NCAM2: variants seen among roughly 807,000 people sequenced by gnomAD.
NCAM2 encodes N-CAM-2.
Under a neutral mutation model 98.1 loss-of-function variants are expected in NCAM2, and 30 were observed. That is an observed-to-expected ratio of 0.31 (90% CI 0.23 to 0.41). The LOEUF (loss-of-function observed/expected upper bound fraction) is 0.41. Among genes scored for constraint, NCAM2 ranks in the 10% least tolerant of loss-of-function variants. The probability of loss-of-function intolerance (pLI) is 1.00; values close to 1 mark genes in which losing one functional copy is unlikely to be tolerated. For synonymous variants in NCAM2, 368 were observed against 342.4 expected, an observed-to-expected ratio of 1.07 and a Z score of -0.83; for missense variants, 867 against 1,005.8, an observed-to-expected ratio of 0.86 and a Z score of 1.87.
chr21:21,126,399 T>C (rs1323038617), intron 1 of NCAM2, among the ~76,000 whole-genome samples: 1 of 151,900 alleles, frequency 6.6e-6, no homozygotes, highest in Admixed American at 6.6e-5. Flanking sequence ...TACACATCCA[T>C]ACATATGCAC....
intron 1 of NCAM2, among the ~76,000 whole-genome samples, chr21:21,263,337 G>A (rs1363579161): frequency 6.6e-6 from 1 of 152,012 alleles, no homozygotes; most frequent in African/African-American, 2.4e-5. Flanking sequence ...AGGTGAACTA[G>A]AAAACGCTGA....
intron 1 of NCAM2, among the ~76,000 whole-genome samples, chr21:21,272,504 G>A (rs545952742): frequency 1.6e-4 from 9 of 56,448 alleles, no homozygotes; most frequent in African/African-American, 5.1e-4. Context: ...ACATGCGCGC[G>A]CGCGCACACA....
chr21:21,021,507 A>G (rs1286236561), intron 1 of NCAM2, among the ~76,000 whole-genome samples: 1 of 152,188 alleles, frequency 6.6e-6, no homozygotes, highest in South Asian at 2.1e-4. Flanking sequence ...TGTAAGAATG[A>G]AATAGAAACA....
At chr21:21,099,151 A>C (rs541680432) in intron 1 of NCAM2, among the ~76,000 whole-genome samples, 1 of 145,304 alleles carries the variant, frequency 6.9e-6, no homozygotes, top group Non-Finnish European at 1.5e-5. Flanking sequence ...ATGAGTCAGT[A>C]AGTGAAAAAG....
At chr21:21,223,664 A>T (rs2070261784) in intron 1 of NCAM2, 1 of 152,132 alleles carries the variant, frequency 6.6e-6, no homozygotes, top group Non-Finnish European at 1.5e-5. Context: ...ATGTTATGTG[A>T]TATATAGCAG....
At chr21:21,251,854 G>T (rs1289628570) in intron 1 of NCAM2, among the ~76,000 whole-genome samples, 1 of 151,122 alleles carries the variant, frequency 6.6e-6, no homozygotes, top group Non-Finnish European at 1.5e-5. Context: ...TAGGTTGCCT[G>T]TTCACTCTGA....
At chr21:21,513,377 T>A (rs1988513062) in intron 16 of NCAM2, among the ~76,000 whole-genome samples, 1 of 152,096 alleles carries the variant, frequency 6.6e-6, no homozygotes, top group Non-Finnish European at 1.5e-5. Context: ...ATCCAATAGG[T>A]TTTGGTATGT....
At chr21:21,212,622 T>G (rs1309626536) in intron 1 of NCAM2, among the ~76,000 whole-genome samples, 2 of 152,192 alleles carry the variant, frequency 1.3e-5, no homozygotes, top group East Asian at 3.8e-4. Flanking sequence ...TCATTGACAA[T>G]ATCATGGTTG....
At chr21:21,381,052 T>C (rs1047475951) in intron 9 of NCAM2, among the ~76,000 whole-genome samples, 7 of 152,364 alleles carry the variant, frequency 4.6e-5, no homozygotes, top group African/African-American at 1.4e-4. Flanking sequence ...TTAAAATGTG[T>C]CTTTTTAGGC....
chr21:21,222,725 A>G (rs905114694), intron 1 of NCAM2, among the ~76,000 whole-genome samples: 2 of 152,220 alleles, frequency 1.3e-5, no homozygotes, highest in Non-Finnish European at 2.9e-5. Context: ...TGAAGATGCT[A>G]TGAACATTGT....
intron 1 of NCAM2, among the ~76,000 whole-genome samples, chr21:21,135,299 C>T (rs576541741): frequency 1.3e-5 from 2 of 151,780 alleles, no homozygotes; most frequent in Admixed American, 1.3e-4. Flanking sequence ...CTCTGGCCTC[C>T]CAAAATGCTG....
At chr21:21,260,219 G>T (rs1310539172) in intron 1 of NCAM2, among the ~76,000 whole-genome samples, 1 of 151,720 alleles carries the variant, frequency 6.6e-6, no homozygotes, top group Non-Finnish European at 1.5e-5. Context: ...CCAAACCCAC[G>T]ACTTATTGGC....
At chr21:21,050,151 T>G (rs925213422) in intron 1 of NCAM2, among the ~76,000 whole-genome samples, 10 of 149,638 alleles carry the variant, frequency 6.7e-5, no homozygotes, top group Non-Finnish European at 1.5e-4. Flanking sequence ...AAAAAAAAGG[T>G]TTTTCTCTTT....
At chr21:21,026,976 C>T (rs1342134189) in intron 1 of NCAM2, among the ~76,000 whole-genome samples, 1 of 151,506 alleles carries the variant, frequency 6.6e-6, no homozygotes, top group East Asian at 2.0e-4. Flanking sequence ...TCTGCCTCAG[C>T]CTCCTGAGTA....
chr21:21,108,774 G>T (rs754864383), intron 1 of NCAM2, among the ~76,000 whole-genome samples: 3 of 151,978 alleles, frequency 2.0e-5, no homozygotes, highest in Non-Finnish European at 2.9e-5. Flanking sequence ...CCTACTTATT[G>T]TATTGGAAAA....
intron 9 of NCAM2, among the ~76,000 whole-genome samples, chr21:21,387,253 G>T (rs2145809519): frequency 6.6e-6 from 1 of 151,024 alleles, no homozygotes; most frequent in African/African-American, 2.4e-5. Flanking sequence ...CTTTTTATAA[G>T]GGCAGTAATC....
At chr21:21,064,521 T>A (rs551063422) in intron 1 of NCAM2, among the ~76,000 whole-genome samples, 42 of 152,312 alleles carry the variant, frequency 2.8e-4, no homozygotes, top group African/African-American at 9.6e-4. Context: ...CTGAAAGCAT[T>A]GTCTTCCACC....
chr21:21,411,279 G>T (rs2076882971), intron 10 of NCAM2, among the ~76,000 whole-genome samples: 1 of 145,426 alleles, frequency 6.9e-6, no homozygotes, highest in Non-Finnish European at 1.5e-5. Flanking sequence ...AGTTATTGAG[G>T]GCTAAAAATT....
intron 12 of NCAM2, among the ~76,000 whole-genome samples, chr21:21,439,011 A>C (rs1978825340): frequency 6.6e-6 from 1 of 152,148 alleles, no homozygotes; most frequent in African/African-American, 2.4e-5. Flanking sequence ...ACTTGAGCCC[A>C]AGAGTTTAAG....
Sources: gnomAD v4.1 joint callset for allele counts (sites outside exome capture counted in the v4.1 genomes callset) on GRCh38, gnomAD v4.1.1 for gene constraint, MANE v1.5 for transcripts, NCBI Gene and HGNC (gene_info 2026-07-23, HGNC 2026-07-21) for gene names.